The following CDRT4 variants were observed in gnomAD, a reference collection of about 807,000 sequenced individuals.
The protein encoded by CDRT4 is CMT1A duplicated region transcript 4, also known as CMT1A duplicated region transcript 4 protein.
For missense variants in CDRT4, 167 were observed against 193.1 expected (o/e 0.87, Z 0.80); for synonymous variants, 64 against 69.6 (o/e 0.92, Z 0.40).
At chr17:15,441,297 T>C (rs1449179135) in intron 2 of CDRT4, among the ~76,000 whole-genome samples, 1 of 152,202 alleles carries the variant, frequency 6.6e-6, no homozygotes, top group Admixed American at 6.5e-5. Flanking sequence ...TACCAAGTAC[T>C]AGAATCACCT....
At chr17:15,453,716 T>C (rs778306045) in intron 1 of CDRT4, among the ~76,000 whole-genome samples, 5 of 152,168 alleles carry the variant, frequency 3.3e-5, no homozygotes, top group Admixed American at 1.3e-4. Context: ...TAAAACTGCG[T>C]ATTAAACAAT....
At chr17:15,448,025 C>T (rs1482892003) in intron 2 of CDRT4, among the ~76,000 whole-genome samples, 1 of 152,110 alleles carries the variant, frequency 6.6e-6, no homozygotes, top group Non-Finnish European at 1.5e-5. Context: ...AATGTGTTGC[C>T]TCATAATATC....
intron 2 of CDRT4, among the ~76,000 whole-genome samples, chr17:15,447,573 G>A (rs78511149): frequency 0.023 from 3,431 of 152,242 alleles, 51 homozygotes; most frequent in Middle Eastern, 0.041. Context: ...AATTCACTGC[G>A]GGAAGAAGCA....
intron 2 of CDRT4, among the ~76,000 whole-genome samples, chr17:15,443,421 A>C (rs1978864572): frequency 6.7e-6 from 1 of 149,594 alleles, no homozygotes; most frequent in Non-Finnish European, 1.5e-5. Context: ...CTGGGACTAC[A>C]GGCACACACC....
intron 2 of CDRT4, among the ~76,000 whole-genome samples, chr17:15,447,104 T>C (rs1979061661): frequency 6.6e-6 from 1 of 152,230 alleles, no homozygotes; most frequent in East Asian, 1.9e-4. Flanking sequence ...TTTCCCGTGC[T>C]GATAAATCCA....
chr17:15,462,112 G>A (rs1359063523), intron 1 of CDRT4, among the ~76,000 whole-genome samples: 1 of 151,024 alleles, frequency 6.6e-6, no homozygotes, highest in Non-Finnish European at 1.5e-5. Context: ...GGTGCTCAAG[G>A]GTCAGGGGAG....
At chr17:15,456,476 G>A (rs1333768115) in intron 1 of CDRT4, among the ~76,000 whole-genome samples, 1 of 151,890 alleles carries the variant, frequency 6.6e-6, no homozygotes, top group Non-Finnish European at 1.5e-5. Flanking sequence ...TTCTGTCATA[G>A]GACTATTTTA....
intron 1 of CDRT4, among the ~76,000 whole-genome samples, chr17:15,459,580 G>C (rs781017829): frequency 5.7e-4 from 87 of 151,810 alleles, no homozygotes; most frequent in Non-Finnish European, 9.4e-4. Flanking sequence ...GAGTAGCTGG[G>C]ACAACAGGCA....
intron 2 of CDRT4, among the ~76,000 whole-genome samples, chr17:15,446,235 A>AGCACCGAGT (rs1979019662): frequency 6.6e-6 from 1 of 151,996 alleles, no homozygotes; most frequent in Non-Finnish European, 1.5e-5. Context: ...AACGCTGGGA[A>AGCACCGAGT]GCACCGAGTG....
intron 2 of CDRT4, among the ~76,000 whole-genome samples, chr17:15,445,453 C>T (rs1242422690): frequency 6.6e-6 from 1 of 152,118 alleles, no homozygotes; most frequent in Non-Finnish European, 1.5e-5. Flanking sequence ...CTGTAATTCT[C>T]CAAAAGGAAG....
At chr17:15,444,714 C>CAGAGAGAGAGAGAGAGAGAGAGAGAGAG (rs59581257) in intron 2 of CDRT4, among the ~76,000 whole-genome samples, 5 of 135,930 alleles carry the variant, frequency 3.7e-5, no homozygotes, top group African/African-American at 1.2e-4. Context: ...TAGCCAAGCG[C>CAGAGAGAGAGAGAGAGAGAGAGAGAGAG]AGAGAGAGAG....
At chr17:15,445,833 T>C (rs62069947) in intron 2 of CDRT4, among the ~76,000 whole-genome samples, 3,013 of 152,290 alleles carry the variant, frequency 0.02, 49 homozygotes, top group Non-Finnish European at 0.034. Flanking sequence ...ACCTCCCACT[T>C]TTCTTCCTGA....
Position 15,440,095 on chromosome 17 carries a change from A to G in CDRT4, c.31+113T>C, listed in dbSNP as rs576314342. ...CTAGAACTTTAAGTATAATAAAAAT[A>G]TATATTAAAAAAAAAAAAGAGTGGC... On this transcript the variant is annotated intron_variant, in intron 3 of 3. Coordinates refer to ENST00000619038, the MANE Select transcript of CDRT4 (RefSeq NM_001204477.2). The G allele has an allele frequency of 2.2e-4, 202 of 909,520 alleles. 2 individuals carry two copies. Among genetic ancestry groups the G allele is most frequent in the Non-Finnish European group, 3.0e-4 (192 of 638,648 alleles). 56.3% of individuals were successfully genotyped at this position (909,520 alleles called of 1,614,324 possible).
At chr17:15,465,690 A>C (rs915334180) in intron 1 of CDRT4, among the ~76,000 whole-genome samples, 1 of 152,096 alleles carries the variant, frequency 6.6e-6, no homozygotes, top group African/African-American at 2.4e-5. Flanking sequence ...AAAACACACA[A>C]ACACACAGTC....
At chr17:15,454,789 G>A (rs759815215) in intron 1 of CDRT4, among the ~76,000 whole-genome samples, 5 of 152,036 alleles carry the variant, frequency 3.3e-5, no homozygotes, top group African/African-American at 4.8e-5. Context: ...CCTTCACCTC[G>A]GTATGTCCCA....
intron 2 of CDRT4, 63 bp from the exon 3 acceptor site, chr17:15,440,348 C>G: frequency 6.4e-7 from 1 of 1,574,664 alleles, no homozygotes; most frequent in Non-Finnish European, 8.6e-7. Flanking sequence ...AGTAGCCACC[C>G]TGGGTGGGGG....
At chr17:15,439,572 G>A (rs112569355) in intron 3 of CDRT4, among the ~76,000 whole-genome samples, 5,726 of 152,182 alleles carry the variant, frequency 0.038, 345 homozygotes, top group African/African-American at 0.13. Flanking sequence ...AAATTCAAAC[G>A]CCTGGAGCAA....
intron 1 of CDRT4, among the ~76,000 whole-genome samples, chr17:15,465,369 CACAG>C (rs879574259): frequency 6.0e-5 from 9 of 150,072 alleles, no homozygotes; most frequent in African/African-American, 2.2e-4. Context: ...GACACACCAA[CACAG>C]ACACACATAA....
chr17:15,436,502 GT>G lies in CDRT4; in HGVS notation c.*1270del, dbSNP rs1439739009. 1 of 152,240 alleles carries G rather than the reference GT, an allele frequency of 6.6e-6. No homozygotes were observed. The highest frequency in any genetic ancestry group is 1.5e-5 in the Non-Finnish European group (1 of 68,074). 9.4% of individuals were successfully genotyped at this position (152,240 alleles called of 1,614,324 possible). ...ATCCCTCTTGCATGTAAAGACAAAG[GT>G]TGTCTGCTTGGAGATGGAGAAGAGT... On this transcript the variant is annotated 3_prime_UTR_variant, in exon 4 of 4. Transcript: ENST00000619038.
Sources: gnomAD v4.1 joint callset for allele counts (sites outside exome capture counted in the v4.1 genomes callset) on GRCh38, gnomAD v4.1.1 for gene constraint, MANE v1.5 for transcripts, NCBI Gene and HGNC (gene_info 2026-07-23, HGNC 2026-07-21) for gene names.